The following TRAF3IP3 variants were observed in gnomAD, a reference collection of about 807,000 sequenced individuals.
The protein encoded by TRAF3IP3 is TRAF3-interacting JNK-activating modulator.
Under a neutral mutation model 86.5 loss-of-function variants are expected in TRAF3IP3, and 64 were observed. That is an observed-to-expected ratio of 0.74 (90% confidence interval 0.60 to 0.91). TRAF3IP3 has a LOEUF of 0.91. Ranked by LOEUF, TRAF3IP3 falls within the 40% of genes least tolerant of loss-of-function variation. The pLI, the probability that TRAF3IP3 is intolerant of heterozygous loss-of-function variation, is 0.00. For synonymous variants in TRAF3IP3, 220 were observed against 243.9 expected (o/e 0.90, Z 0.91); for missense variants, 579 against 642.9 (o/e 0.90, Z 1.07).
At chr1:209,775,574 C>A in intron 10 of TRAF3IP3, 25 bp from the exon 11 acceptor site, 2 of 1,614,120 alleles carry the variant, frequency 1.2e-6, no homozygotes, top group Non-Finnish European at 1.7e-6. Flanking sequence ...CTCCCTGGAG[C>A]CCTCTCCTCT....
intron 14 of TRAF3IP3, 106 bp downstream of exon 14, chr1:209,779,480 G>T: frequency 1.0e-6 from 1 of 974,830 alleles, no homozygotes; most frequent in Non-Finnish European, 1.6e-6. Flanking sequence ...CCAGTTCTGG[G>T]AGTCTGTTAA....
rs1358368456 is a variant in TRAF3IP3 at position 209,777,438 on chromosome 1, C to T, written c.1140C>T (p.Cys380=). 3 of 1,614,076 alleles carry T rather than the reference C, an allele frequency of 1.9e-6. No individual in the cohort carries two copies. Among genetic ancestry groups the T allele is most frequent in the Non-Finnish European group, 2.5e-6 (3 of 1,179,990 alleles). The change falls in exon 12 of 17, where the codon TGC becomes TGT. Residue 380 remains cysteine (C), a synonymous_variant. Transcript: ENST00000367025. ...AGCAACTGCAGGCCAAGATTGAATG[C>T]CTGCAAGGGGACAGAGACCTGTGCA... ...EHQQLQAKIE[C]LQGDRDLCSL...
In TRAF3IP3 at chr1:209,781,121, T is replaced by C. The variant is rs959356037; in HGVS notation, c.1450-224T>C. ...AGTCATATAAAAGAACTTAAATGTA[T>C]AAAATGTAATACTATAATATGCATT... On this transcript the variant is annotated intron_variant, in intron 15 of 16. Coordinates refer to ENST00000367025, the MANE Select transcript of TRAF3IP3 (RefSeq NM_025228.4). The C allele has an allele frequency of 2.1e-5, 6 of 287,422 alleles. 1 individual carries two copies. The highest frequency in any genetic ancestry group is 4.4e-5 in the African/African-American group (2 of 45,522). 17.8% of individuals were successfully genotyped at this position (287,422 alleles called of 1,614,324 possible).
chr1:209,780,677 A>G, intron 15 of TRAF3IP3, 71 bp downstream of exon 15: 1 of 1,387,500 alleles, frequency 7.2e-7, no homozygotes, highest in Non-Finnish European at 9.5e-7. Context: ...GCAGTCAAAA[A>G]GCAGGGATTT....
intron 15 of TRAF3IP3, 145 bp from the exon 16 acceptor site, chr1:209,781,200 C>T: frequency 1.8e-6 from 1 of 553,006 alleles, no homozygotes; most frequent in Non-Finnish European, 3.3e-6. Flanking sequence ...AGTCAAAAGA[C>T]AAACTCAAAT....
At chr1:209,771,636 CGTGTGCATGTGAAG>C (rs1199190131) in intron 8 of TRAF3IP3, among the ~76,000 whole-genome samples, 3 of 117,820 alleles carry the variant, frequency 2.5e-5, no homozygotes, top group Non-Finnish European at 5.1e-5. Flanking sequence ...TGGAGGTGTG[CGTGTGCATGTGAAG>C]GTGTGCATGT....
intron 8 of TRAF3IP3, among the ~76,000 whole-genome samples, chr1:209,766,324 C>T (rs963469091): frequency 1.3e-5 from 2 of 152,184 alleles, no homozygotes; most frequent in African/African-American, 4.8e-5. Flanking sequence ...GATCATCTCA[C>T]TCATTTGTTT....
Position 209,771,007 on chromosome 1 carries a change from CGTGTGCATGTGGATGTGTGT to C in TRAF3IP3, c.703-1934_703-1915del, listed in dbSNP as rs1558020091. ...GTGTGTGTGTGCAGGTGGAGGTGTG[CGTGTGCATGTGGATGTGTGT>C]GTGTGCTCAGGTGGAAGTGTGCGTG... On this transcript the variant is annotated intron_variant, in intron 8 of 16. Coordinates refer to ENST00000367025, the MANE Select transcript of TRAF3IP3 (RefSeq NM_025228.4). Among the ~76,000 whole-genome samples, 8 of 67,294 alleles carry C rather than the reference CGTGTGCATGTGGATGTGTGT, an allele frequency of 1.2e-4. 1 individual carries two copies. In the Admixed American group the frequency reaches 1.2e-3, roughly 10 times the overall value. 44.1% of individuals were successfully genotyped at this position (67,294 alleles called of 152,430 possible).
intron 8 of TRAF3IP3, among the ~76,000 whole-genome samples, chr1:209,770,605 G>A (rs1473050453): frequency 7.0e-6 from 1 of 143,666 alleles, no homozygotes; most frequent in African/African-American, 2.6e-5. Context: ...TGCATGTGGA[G>A]GTGTGTGTGC....
chr1:209,779,448 A>C, intron 14 of TRAF3IP3, 74 bp downstream of exon 14: 2 of 1,311,658 alleles, frequency 1.5e-6, no homozygotes, highest in Non-Finnish European at 2.2e-6. Context: ...GGGATGGACT[A>C]CATGACCTCC....
intron 8 of TRAF3IP3, among the ~76,000 whole-genome samples, chr1:209,765,907 C>T (rs997952579): frequency 6.6e-6 from 1 of 152,150 alleles, no homozygotes; most frequent in African/African-American, 2.4e-5. Flanking sequence ...TGGGGATTCC[C>T]AAGTTTCCTC....
intron 8 of TRAF3IP3, among the ~76,000 whole-genome samples, chr1:209,771,334 T>TGC (rs2077510635): frequency 7.0e-6 from 1 of 143,572 alleles, no homozygotes; most frequent in Admixed American, 6.9e-5. Flanking sequence ...TGTGGAGGTG[T>TGC]ATCTGTGCAT....
intron 8 of TRAF3IP3, among the ~76,000 whole-genome samples, chr1:209,771,265 A>G (rs2077506380): frequency 8.4e-6 from 1 of 118,754 alleles, no homozygotes; most frequent in African/African-American, 3.3e-5. Context: ...GTGTGTCCCT[A>G]CGGAGGTGTG....
chr1:209,778,310 T>C, intron 13 of TRAF3IP3, 137 bp downstream of exon 13: 1 of 634,710 alleles, frequency 1.6e-6, no homozygotes, highest in South Asian at 2.0e-5. Context: ...ACCCTCTTCT[T>C]GTAAAGTGAG....
chr1:209,764,743 CAAAA>C (rs58783495), intron 8 of TRAF3IP3, among the ~76,000 whole-genome samples: 1 of 99,890 alleles, frequency 1.0e-5, no homozygotes, highest in Non-Finnish European at 2.1e-5. Context: ...GACTCCATCT[CAAAA>C]AAAAAAAAAA....
In TRAF3IP3 at chr1:209,768,407, A is replaced by G. The variant is rs2077397695; in HGVS notation, c.703-4541A>G. On this transcript the variant is annotated intron_variant, in intron 8 of 16. Transcript: ENST00000367025. ...AAACAGCTCTACTAGCAGAGAAAGC[A>G]AGCTTTCAATATTGTGCAATACAAA... 5.1e-6 allele frequency: 5 copies of G among 985,410 alleles called. No homozygotes were observed. The South Asian group carries it at 2.3e-4, about 46-fold the overall frequency. 61.0% of individuals were successfully genotyped at this position (985,410 alleles called of 1,614,324 possible).
At chr1:209,772,496 G>C (rs2077566827) in intron 8 of TRAF3IP3, among the ~76,000 whole-genome samples, 1 of 152,142 alleles carries the variant, frequency 6.6e-6, no homozygotes, top group African/African-American at 2.4e-5. Context: ...TCATAACCGA[G>C]GGCAAGGGAG....
chr1:209,781,159 T>G, intron 15 of TRAF3IP3, 186 bp from the exon 16 acceptor site: 1 of 447,614 alleles, frequency 2.2e-6, no homozygotes, highest in Non-Finnish European at 4.1e-6. Flanking sequence ...TGTCAATCAT[T>G]TAAATGAACA....
chr1:209,770,800 G>C (rs1436679944), intron 8 of TRAF3IP3, among the ~76,000 whole-genome samples: 1 of 137,328 alleles, frequency 7.3e-6, no homozygotes, highest in Admixed American at 7.4e-5. Flanking sequence ...TGTGCATATG[G>C]AGGTGTGTGT....
Sources: allele counts gnomAD v4.1 joint callset (sites outside exome capture counted in the v4.1 genomes callset), GRCh38; gene constraint gnomAD v4.1.1; transcripts MANE v1.5; gene names NCBI Gene and HGNC (gene_info 2026-07-23, HGNC 2026-07-21).